LHFPL6: variants seen among roughly 807,000 people sequenced by gnomAD.
The protein encoded by LHFPL6 is LHFPL tetraspan subfamily member 6, also known as LHFPL tetraspan subfamily member 6 protein.
LHFPL6 carries 9 observed loss-of-function variants against 20.6 expected under a neutral mutation model. The observed-to-expected ratio is 0.44, with a 90% CI of 0.26 to 0.76. The LOEUF (loss-of-function observed/expected upper bound fraction) is 0.76. Ranked by LOEUF, LHFPL6 falls within the 30% of genes least tolerant of loss-of-function variation. The pLI, the probability that LHFPL6 is intolerant of heterozygous loss-of-function variation, is 0.20. For missense variants in LHFPL6, 218 were observed against 253.5 expected, an observed-to-expected ratio of 0.86 and a Z score of 0.95; for synonymous variants, 105 against 98.7, an observed-to-expected ratio of 1.06 and a Z score of -0.38.
intron 2 of LHFPL6, among the ~76,000 whole-genome samples, chr13:39,428,890 T>C (rs1593309552): frequency 1.3e-5 from 2 of 152,222 alleles, no homozygotes; most frequent in South Asian, 4.1e-4. Context: ...CCATTCAAAA[T>C]ACTTTCTAAT....
chr13:39,542,819 A>G (rs1016168018), intron 2 of LHFPL6, among the ~76,000 whole-genome samples: 7 of 152,260 alleles, frequency 4.6e-5, no homozygotes, highest in African/African-American at 1.4e-4. Context: ...AATGATGAAC[A>G]GGACGTGTCT....
intron 3 of LHFPL6, among the ~76,000 whole-genome samples, chr13:39,363,619 C>T (rs1268787086): frequency 1.3e-5 from 2 of 152,080 alleles, no homozygotes; most frequent in East Asian, 1.9e-4. Flanking sequence ...CCCAGGACAC[C>T]GACAGGGCTT....
intron 2 of LHFPL6, among the ~76,000 whole-genome samples, chr13:39,597,606 G>A (rs1244009944): frequency 2.0e-5 from 3 of 152,110 alleles, no homozygotes; most frequent in Non-Finnish European, 2.9e-5. Flanking sequence ...TCAGTTGAGG[G>A]TAACTCAACC....
In LHFPL6 at chr13:39,343,919, C is replaced by T; in HGVS notation, c.*17G>A. The T allele has an allele frequency of 6.2e-7, 1 of 1,604,514 alleles. No homozygotes were observed. The highest frequency in any genetic ancestry group is 8.5e-7 in the Non-Finnish European group (1 of 1,171,988). Reference sequence around the variant, plus strand: ...TTTGGCCCATCTTCTCCTCTGTCTGCTCTTGGTAGCTCCATCTCAGTATGG... The same window carrying T: ...TTTGGCCCATCTTCTCCTCTGTCTGTTCTTGGTAGCTCCATCTCAGTATGG... On this transcript the variant is annotated 3_prime_UTR_variant, in exon 4 of 4. Transcript: ENST00000379589.
intron 2 of LHFPL6, among the ~76,000 whole-genome samples, chr13:39,399,365 A>C (rs1870926377): frequency 1.3e-5 from 2 of 152,246 alleles, no homozygotes; most frequent in South Asian, 4.1e-4. Flanking sequence ...CTCTTTACAC[A>C]GAAGAATATT....
At chr13:39,412,756 C>G (rs1871262064) in intron 2 of LHFPL6, among the ~76,000 whole-genome samples, 1 of 152,086 alleles carries the variant, frequency 6.6e-6, no homozygotes, top group South Asian at 2.1e-4. Context: ...AACCCTGTCC[C>G]TACTAAAAAT....
chr13:39,466,560 T>C (rs770713567), intron 2 of LHFPL6, among the ~76,000 whole-genome samples: 4 of 152,212 alleles, frequency 2.6e-5, no homozygotes, highest in Middle Eastern at 3.2e-3. Context: ...AATTAGTAGT[T>C]TGGGGCCCTG....
chr13:39,423,422 CT>C (rs562533121), intron 2 of LHFPL6, among the ~76,000 whole-genome samples: 64 of 146,518 alleles, frequency 4.4e-4, no homozygotes, highest in African/African-American at 5.7e-4. Context: ...AGAAAGGCTT[CT>C]TTTTTTTTTT....
chr13:39,503,345 C>T (rs1439742671), intron 2 of LHFPL6, among the ~76,000 whole-genome samples: 1 of 152,184 alleles, frequency 6.6e-6, no homozygotes, highest in East Asian at 1.9e-4. Flanking sequence ...ACATGGTCAA[C>T]TCTCTTGCCT....
chr13:39,561,345 A>C (rs1197175269), intron 2 of LHFPL6, among the ~76,000 whole-genome samples: 1 of 152,180 alleles, frequency 6.6e-6, no homozygotes, highest in Non-Finnish European at 1.5e-5. Flanking sequence ...AGTCGTCTTC[A>C]AACCTACAGC....
At chr13:39,562,491 CATATACAT>C (rs200972303) in intron 2 of LHFPL6, among the ~76,000 whole-genome samples, 20,384 of 127,656 alleles carry the variant, frequency 0.16, 4,004 homozygotes, top group South Asian at 0.25. Flanking sequence ...CATATATACA[CATATACAT>C]ATATACATAT....
chr13:39,449,479 C>A (rs921153826), intron 2 of LHFPL6, among the ~76,000 whole-genome samples: 1 of 151,934 alleles, frequency 6.6e-6, no homozygotes, highest in African/African-American at 2.4e-5. Flanking sequence ...TATGATTTTC[C>A]CACAATATTA....
At chr13:39,593,512 T>A (rs1277847897) in intron 2 of LHFPL6, among the ~76,000 whole-genome samples, 1 of 151,848 alleles carries the variant, frequency 6.6e-6, no homozygotes, top group East Asian at 1.9e-4. Flanking sequence ...GTAGGAAGAA[T>A]CAATATCGTG....
chr13:39,401,739 A>G (rs1441245103), intron 2 of LHFPL6, among the ~76,000 whole-genome samples: 5 of 152,196 alleles, frequency 3.3e-5, no homozygotes, highest in Non-Finnish European at 7.3e-5. Flanking sequence ...TATCACTGTG[A>G]ACAATTAACC....
intron 2 of LHFPL6, among the ~76,000 whole-genome samples, chr13:39,416,555 C>T (rs1871354682): frequency 6.6e-6 from 1 of 152,144 alleles, no homozygotes; most frequent in African/African-American, 2.4e-5. Flanking sequence ...TCCATACAAC[C>T]TCTGAATATT....
chr13:39,356,694 T>C (rs1286946350), intron 3 of LHFPL6, among the ~76,000 whole-genome samples: 1 of 152,100 alleles, frequency 6.6e-6, no homozygotes. Context: ...TTATAACCAA[T>C]CCCACAGAAA....
chr13:39,519,179 T>C (rs1258884291), intron 2 of LHFPL6, among the ~76,000 whole-genome samples: 1 of 151,882 alleles, frequency 6.6e-6, no homozygotes, highest in Non-Finnish European at 1.5e-5. Flanking sequence ...GAGGCTGCAA[T>C]GGGCCGAGAC....
chr13:39,601,238 A>G lies in LHFPL6; in HGVS notation c.-22T>C. 6.3e-7 allele frequency: 1 copy of G among 1,587,454 alleles called. No homozygotes were observed. Among genetic ancestry groups the G allele is most frequent in the Non-Finnish European group, 8.6e-7 (1 of 1,165,844 alleles). On this transcript the variant is annotated 5_prime_UTR_variant, in exon 2 of 4. Transcript: ENST00000379589. ...CCATCTTTCACCAGATAGGGCAATG[A>G]GGACCCCAAGTAAGTGTTCAGGGAC...
At chr13:39,446,547 T>A (rs1872295482) in intron 2 of LHFPL6, among the ~76,000 whole-genome samples, 1 of 151,624 alleles carries the variant, frequency 6.6e-6, no homozygotes, top group African/African-American at 2.4e-5. Flanking sequence ...TGGGCCAGGG[T>A]AAACAAAGAT....
Sources: allele counts gnomAD v4.1 joint callset (sites outside exome capture counted in the v4.1 genomes callset), GRCh38; gene constraint gnomAD v4.1.1; transcripts MANE v1.5; gene names NCBI Gene and HGNC (gene_info 2026-07-23, HGNC 2026-07-21).